LCORL: variants seen among roughly 807,000 people sequenced by gnomAD.
The protein encoded by LCORL is ligand dependent nuclear receptor corepressor like.
In LCORL, 41 loss-of-function variants were observed where a neutral mutation model predicts 141.8. The observed-to-expected ratio is 0.29, with a 90% CI of 0.23 to 0.38. The LOEUF (loss-of-function observed/expected upper bound fraction) is 0.38. LCORL is among the 10% of genes least tolerant of loss of function. The probability of loss-of-function intolerance (pLI) is 1.00; values close to 1 mark genes in which losing one functional copy is unlikely to be tolerated. For synonymous variants in LCORL, 618 were observed against 694.1 expected (o/e 0.89, Z 1.72); for missense variants, 1,759 against 2,035.0 (o/e 0.86, Z 2.61).
At position 18,010,420 on chromosome 4, in the gene LCORL, A is replaced by C. The variant is rs1033155145; in HGVS notation, c.154+11178T>G. 2.0e-5 allele frequency among the ~76,000 whole-genome samples: 3 copies of C among 151,796 alleles called. No individual in the cohort carries two copies. The East Asian group carries it at 5.8e-4, about 29-fold the overall frequency. On this transcript the variant is annotated intron_variant, in intron 1 of 7. Coordinates refer to ENST00000635767, the Ensembl canonical transcript of LCORL. ...TGTCTGTGTGTGTGTGTGTATATAT[A>C]TATGTATGTATGTATATATGTATGT...
intron 1 of LCORL, among the ~76,000 whole-genome samples, chr4:18,016,181 C>A (rs573523124): frequency 6.9e-6 from 1 of 145,846 alleles, no homozygotes; most frequent in Non-Finnish European, 1.5e-5. Context: ...ACCAATCATA[C>A]TAGCAAACAC....
intron 4 of LCORL, among the ~76,000 whole-genome samples, chr4:17,910,644 CAAG>C (rs547003791): frequency 2.1e-4 from 32 of 152,038 alleles, no homozygotes; most frequent in Non-Finnish European, 4.1e-4. Context: ...CTGTAAAATA[CAAG>C]AAGGTTTCAA....
At chr4:17,900,334 C>T (rs1415649663) in intron 5 of LCORL, among the ~76,000 whole-genome samples, 2 of 152,158 alleles carry the variant, frequency 1.3e-5, no homozygotes, top group Non-Finnish European at 2.9e-5. Context: ...AATTTTCATA[C>T]AGTTCCTCAA....
chr4:17,888,595 C>A (rs187674070), intron 5 of LCORL, among the ~76,000 whole-genome samples: 2 of 152,200 alleles, frequency 1.3e-5, no homozygotes, highest in Non-Finnish European at 2.9e-5. Flanking sequence ...TGTCTTCCTG[C>A]GTGGACAGCA....
intron 5 of LCORL, among the ~76,000 whole-genome samples, chr4:17,906,606 T>C (rs953916187): frequency 2.0e-5 from 3 of 152,220 alleles, no homozygotes; most frequent in Non-Finnish European, 2.9e-5. Context: ...ATGACTTGTG[T>C]TCTACATATA....
chr4:17,995,199 T>C (rs756651042), intron 1 of LCORL, among the ~76,000 whole-genome samples: 2 of 142,278 alleles, frequency 1.4e-5, no homozygotes, highest in African/African-American at 5.8e-5. Context: ...TACCTTTCTT[T>C]TAAGCATTTT....
At chr4:18,000,336 G>C (rs958050875) in intron 1 of LCORL, among the ~76,000 whole-genome samples, 1 of 152,086 alleles carries the variant, frequency 6.6e-6, no homozygotes, top group Non-Finnish European at 1.5e-5. Context: ...AAAGGAAACA[G>C]AGTGATTATC....
At chr4:17,921,354 TTAGTGAATCCTTTC>T (rs923913872) in intron 4 of LCORL, among the ~76,000 whole-genome samples, 5 of 152,182 alleles carry the variant, frequency 3.3e-5, no homozygotes. Flanking sequence ...TTAATGGCAT[TTAGTGAATCCTTTC>T]TAGAAGCTTT....
chr4:17,904,583 G>A (rs1209520648), intron 5 of LCORL, among the ~76,000 whole-genome samples: 1 of 152,048 alleles, frequency 6.6e-6, no homozygotes, highest in Admixed American at 6.6e-5. Flanking sequence ...AGTGGTGTAA[G>A]GTAGGGATCC....
chr4:17,903,568 G>C (rs564902200), intron 5 of LCORL, among the ~76,000 whole-genome samples: 1 of 152,142 alleles, frequency 6.6e-6, no homozygotes, highest in East Asian at 1.9e-4. Context: ...GGACAAAAAA[G>C]AATCCTGGGT....
intron 4 of LCORL, among the ~76,000 whole-genome samples, chr4:17,931,965 A>G (rs963918618): frequency 2.6e-5 from 4 of 152,144 alleles, no homozygotes; most frequent in Non-Finnish European, 5.9e-5. Context: ...TGCTAATGTT[A>G]TCTGGTACAC....
At chr4:17,937,465 T>A (rs1238354423) in intron 4 of LCORL, among the ~76,000 whole-genome samples, 1 of 152,208 alleles carries the variant, frequency 6.6e-6, no homozygotes, top group African/African-American at 2.4e-5. Context: ...CACAATAGAA[T>A]ATAAGAATAG....
chr4:17,980,166 T>C (rs1717704654), intron 1 of LCORL, among the ~76,000 whole-genome samples: 1 of 152,212 alleles, frequency 6.6e-6, no homozygotes, highest in Non-Finnish European at 1.5e-5. Context: ...AAACTTGTGG[T>C]ATTCGTTACA....
intron 4 of LCORL, among the ~76,000 whole-genome samples, chr4:17,947,433 G>C (rs566338815): frequency 2.0e-5 from 3 of 151,580 alleles, no homozygotes; most frequent in Admixed American, 6.6e-5. Flanking sequence ...AGAGTCAAAG[G>C]GTACACAATC....
intron 1 of LCORL, among the ~76,000 whole-genome samples, chr4:18,018,622 C>T (rs191056953): frequency 1.6e-4 from 24 of 152,092 alleles, no homozygotes; most frequent in Admixed American, 1.6e-3. Context: ...CAACTTTCTA[C>T]CCTATAAAAT....
In LCORL at chr4:18,021,305, T is replaced by C. The variant is rs2109923422; in HGVS notation, c.154+293A>G. ...GGGCAGCGACGGGCGCCGAGGAGTTTCGGGGAGAGAGCGAGCGGGCGGCTT... is the reference window on the plus strand; with the variant it reads ...GGGCAGCGACGGGCGCCGAGGAGTTCCGGGGAGAGAGCGAGCGGGCGGCTT... On this transcript the variant is annotated intron_variant, in intron 1 of 7. Coordinates refer to ENST00000635767, the Ensembl canonical transcript of LCORL. The surrounding 1 kb of genome is among the most constrained non-coding windows in gnomAD (Gnocchi z 5.5). Among the ~76,000 whole-genome samples the C allele has an allele frequency of 6.6e-6, 1 of 152,116 alleles. No individual in the cohort carries two copies. Among genetic ancestry groups the C allele is most frequent in the South Asian group, 2.1e-4 (1 of 4,824 alleles).
intron 2 of LCORL, among the ~76,000 whole-genome samples, chr4:17,968,708 T>C (rs891321888): frequency 6.6e-6 from 1 of 152,202 alleles, no homozygotes; most frequent in Admixed American, 6.5e-5. Context: ...AAAGCAGCCA[T>C]AGTCAAGGAA....
At chr4:17,880,363 C>T in intron 6 of LCORL, 1 of 715,804 alleles carries the variant, frequency 1.4e-6, no homozygotes, top group Middle Eastern at 7.1e-4. Context: ...AATTTATTCT[C>T]AGGTGATTAT....
intron 2 of LCORL, among the ~76,000 whole-genome samples, chr4:17,968,810 T>C (rs1307777171): frequency 1.3e-5 from 2 of 152,182 alleles, no homozygotes; most frequent in African/African-American, 4.8e-5. Flanking sequence ...TTTTTAACCA[T>C]TAAAAAATGT....
Sources: gnomAD v4.1 joint callset for allele counts (sites outside exome capture counted in the v4.1 genomes callset) on GRCh38, gnomAD v4.1.1 for gene constraint, Gnocchi (gnomAD v3.1) non-coding constraint, MANE v1.5 for transcripts, NCBI Gene and HGNC (gene_info 2026-07-23, HGNC 2026-07-21) for gene names.